Variants in MYO3B observed in about 807,000 individuals in gnomAD.
The protein encoded by MYO3B is myosin-IIIb.
In MYO3B, 156 loss-of-function variants were observed where a neutral mutation model predicts 174.6. The observed-to-expected ratio is 0.89, with a 90% CI of 0.78 to 1.02. The LOEUF is 1.02. Ranked by LOEUF, MYO3B falls within the 50% of genes least tolerant of loss-of-function variation. MYO3B has a pLI of 0.00. For missense variants in MYO3B, 1,632 were observed against 1,639.4 expected, an observed-to-expected ratio of 1.00 and a Z score of 0.08; for synonymous variants, 563 against 569.1, an observed-to-expected ratio of 0.99 and a Z score of 0.15.
chr2:170,332,167 G>A (rs1006328985), intron 7 of MYO3B: 12 of 152,142 alleles, frequency 7.9e-5, no homozygotes, highest in African/African-American at 2.4e-4. Flanking sequence ...TTCAACAACC[G>A]GGTGGGATGC....
intron 32 of MYO3B, among the ~76,000 whole-genome samples, chr2:170,610,421 A>T (rs1442951550): frequency 6.6e-6 from 1 of 152,224 alleles, no homozygotes; most frequent in Non-Finnish European, 1.5e-5. Context: ...AGGCCAAGAT[A>T]GAGATCCTTA....
intron 7 of MYO3B, among the ~76,000 whole-genome samples, chr2:170,266,558 T>C (rs1275094275): frequency 6.6e-6 from 1 of 152,216 alleles, no homozygotes; most frequent in Non-Finnish European, 1.5e-5. Flanking sequence ...TATAGAAATG[T>C]GCTTATTATG....
chr2:170,495,409 A>G (rs1686801293), intron 25 of MYO3B, among the ~76,000 whole-genome samples: 1 of 152,208 alleles, frequency 6.6e-6, no homozygotes, highest in Admixed American at 6.5e-5. Flanking sequence ...ATATTTTGAA[A>G]ACTGCCTGTT....
chr2:170,499,161 A>G (rs1687064331), intron 26 of MYO3B, among the ~76,000 whole-genome samples: 1 of 152,158 alleles, frequency 6.6e-6, no homozygotes, highest in Non-Finnish European at 1.5e-5. Flanking sequence ...CCAGGTTTTT[A>G]TGGTCCATCC....
At position 170,285,164 on chromosome 2, in the gene MYO3B, T is replaced by C. The variant is rs80182680; in HGVS notation, c.749+49028T>C. The stretch of plus-strand genomic sequence containing the variant: ...ATTGTTATTACAATACAAATAATAC[T>C]CTACTTGTCTTCTTGTGGACAAGGG... On this transcript the variant is annotated intron_variant, in intron 7 of 34. Coordinates refer to ENST00000408978, the MANE Select transcript of MYO3B (RefSeq NM_138995.5). Among the ~76,000 whole-genome samples, 688 of 152,334 alleles carry C rather than the reference T, an allele frequency of 4.5e-3. 7 individuals carry two copies. Among genetic ancestry groups the C allele is most frequent in the East Asian group, 0.039 (200 of 5,184 alleles).
chr2:170,483,742 G>A (rs1685852221), intron 25 of MYO3B, among the ~76,000 whole-genome samples: 1 of 152,168 alleles, frequency 6.6e-6, no homozygotes, highest in African/African-American at 2.4e-5. Context: ...ATAACAAAAT[G>A]GAGAAAAAGA....
At chr2:170,221,930 A>C (rs1394187721) in intron 6 of MYO3B, among the ~76,000 whole-genome samples, 1 of 152,200 alleles carries the variant, frequency 6.6e-6, no homozygotes, top group Non-Finnish European at 1.5e-5. Flanking sequence ...CTGTGACTAC[A>C]GGAAAGATTA....
At chr2:170,184,151 G>C (rs2092436128) in intron 1 of MYO3B, among the ~76,000 whole-genome samples, 1 of 151,848 alleles carries the variant, frequency 6.6e-6, no homozygotes, top group South Asian at 2.1e-4. Flanking sequence ...AATCACATCA[G>C]GTTAAATGGG....
intron 32 of MYO3B, among the ~76,000 whole-genome samples, chr2:170,619,602 G>C (rs557291209): frequency 6.6e-6 from 1 of 152,000 alleles, no homozygotes; most frequent in African/African-American, 2.4e-5. Context: ...CACCACATGG[G>C]ACTCTTTACA....
chr2:170,441,326 G>T lies in MYO3B; in HGVS notation c.2651-2641G>T, dbSNP rs377579513. Among the ~76,000 whole-genome samples the T allele has an allele frequency of 3.9e-5, 6 of 152,258 alleles. No homozygotes were observed. In the South Asian group the frequency reaches 1.2e-3, roughly 32 times the overall value. ...ATAATATTTTGAATGGAAGTGGTGA[G>T]TGTGTGAATCCTTGTCTTGTTTTTG... On this transcript the variant is annotated intron_variant, in intron 22 of 34. Transcript: ENST00000408978.
intron 7 of MYO3B, among the ~76,000 whole-genome samples, chr2:170,322,851 G>A (rs374835214): frequency 1.4e-4 from 21 of 152,150 alleles, no homozygotes; most frequent in African/African-American, 4.8e-4. Flanking sequence ...TGTGTGCCAG[G>A]GTCTGCTCAT....
intron 7 of MYO3B, among the ~76,000 whole-genome samples, chr2:170,247,359 C>T (rs188219599): frequency 5.5e-4 from 84 of 152,182 alleles, no homozygotes; most frequent in Middle Eastern, 3.4e-3. Context: ...GAATATGATC[C>T]GAAGAGCAGC....
chr2:170,297,427 G>A (rs2093636089), intron 7 of MYO3B, among the ~76,000 whole-genome samples: 1 of 152,158 alleles, frequency 6.6e-6, no homozygotes, highest in Admixed American at 6.5e-5. Context: ...GTCTAAAGCT[G>A]CAGAGTGCAA....
intron 32 of MYO3B, among the ~76,000 whole-genome samples, chr2:170,627,552 G>A (rs151238138): frequency 0.012 from 1,843 of 152,266 alleles, 7 homozygotes; most frequent in Non-Finnish European, 0.019. Flanking sequence ...CTCTCAATTC[G>A]TCAAAGTCAT....
At position 170,404,129 on chromosome 2, in the gene MYO3B, A is replaced by T. The variant is rs2105804255; in HGVS notation, c.2278-118A>T. On this transcript the variant is annotated intron_variant, in intron 19 of 34. Transcript: ENST00000408978. ...GATTCCTTTATTATACACATAAAAC[A>T]TATCCTGCTTTCCACATGCATTCAA... is the stretch of plus-strand genomic sequence containing the variant. 2.9e-6 allele frequency: 3 copies of T among 1,018,772 alleles called. No individual in the cohort carries two copies. In the South Asian group the frequency reaches 5.2e-5, roughly 18 times the overall value. 63.1% of individuals were successfully genotyped at this position (1,018,772 alleles called of 1,614,324 possible).
In MYO3B at chr2:170,359,799, T is replaced by A. The variant is rs1041406007; in HGVS notation, c.816-9423T>A. Among the ~76,000 whole-genome samples the A allele has an allele frequency of 8.5e-5, 13 of 152,356 alleles. 1 individual carries two copies. In the East Asian group the frequency reaches 9.6e-4, roughly 11 times the overall value. On this transcript the variant is annotated intron_variant, in intron 8 of 34. Coordinates refer to ENST00000408978, the MANE Select transcript of MYO3B (RefSeq NM_138995.5). ...GTCTGCGCTATTCTAGTGCTTATAC[T>A]TTTCAGCCTTAAATTATTATTATTT... is the stretch of plus-strand genomic sequence containing the variant.
chr2:170,314,638 G>A (rs1048611999), intron 7 of MYO3B, among the ~76,000 whole-genome samples: 2 of 152,148 alleles, frequency 1.3e-5, no homozygotes, highest in African/African-American at 4.8e-5. Context: ...CAATTAAACT[G>A]TATTGAATGA....
intron 7 of MYO3B, among the ~76,000 whole-genome samples, chr2:170,267,837 T>C (rs1002130091): frequency 1.3e-5 from 2 of 152,148 alleles, no homozygotes; most frequent in African/African-American, 4.8e-5. Context: ...GTTCAGAAAA[T>C]CTGGCATTTG....
intron 23 of MYO3B, among the ~76,000 whole-genome samples, chr2:170,455,263 A>T (rs1009192215): frequency 6.6e-6 from 1 of 152,214 alleles, no homozygotes; most frequent in Non-Finnish European, 1.5e-5. Context: ...AAAACTATAA[A>T]TTCCTCCTAA....
Sources: allele counts gnomAD v4.1 joint callset (sites outside exome capture counted in the v4.1 genomes callset), GRCh38; gene constraint gnomAD v4.1.1; transcripts MANE v1.5; gene names NCBI Gene and HGNC (gene_info 2026-07-23, HGNC 2026-07-21).